The following CEP120 variants were observed in gnomAD, a reference collection of about 807,000 sequenced individuals.
CEP120 encodes centrosomal protein of 120 kDa.
In CEP120, 113 loss-of-function variants were observed where a neutral mutation model predicts 126.5. The ratio of observed to expected loss-of-function variants is 0.89; its 90% CI spans 0.77 to 1.04. The LOEUF (loss-of-function observed/expected upper bound fraction) is 1.04, where lower values mean the gene tolerates loss of function less well. Among genes scored for constraint, CEP120 ranks in the 50% least tolerant of loss-of-function variants. CEP120 has a pLI of 0.00. For missense variants in CEP120, 1,230 were observed against 1,155.7 expected (o/e 1.06, Z -0.93); for synonymous variants, 400 against 394.3 (o/e 1.01, Z -0.17).
intron 14 of CEP120, among the ~76,000 whole-genome samples, chr5:123,381,357 A>C (rs927134801): frequency 6.8e-6 from 1 of 146,444 alleles, no homozygotes; most frequent in Non-Finnish European, 1.5e-5. Context: ...AGTTGATGAG[A>C]GGAGGGGGTT....
chr5:123,417,694 TCTA>T (rs1474994935), intron 2 of CEP120, among the ~76,000 whole-genome samples: 1 of 151,612 alleles, frequency 6.6e-6, no homozygotes, highest in African/African-American at 2.4e-5. Context: ...TTCTAGAATA[TCTA>T]CTGTCTCACA....
At chr5:123,398,990 G>T in intron 5 of CEP120, 146 bp downstream of exon 5, 2 of 531,454 alleles carry the variant, frequency 3.8e-6, no homozygotes, top group South Asian at 4.0e-5. Context: ...TTTCTTTCCA[G>T]TATGAAAGAA....
At chr5:123,379,629 G>T (rs1771502988) in intron 14 of CEP120, among the ~76,000 whole-genome samples, 1 of 151,850 alleles carries the variant, frequency 6.6e-6, no homozygotes, top group African/African-American at 2.4e-5. Context: ...TCTCAGGAAG[G>T]CCTGGCTAAG....
chr5:123,351,258 T>C (rs1010907941), intron 18 of CEP120, among the ~76,000 whole-genome samples: 10 of 152,150 alleles, frequency 6.6e-5, no homozygotes, highest in Non-Finnish European at 7.4e-5. Flanking sequence ...CAAAAATAAG[T>C]TTTGAACTTA....
intron 16 of CEP120, among the ~76,000 whole-genome samples, chr5:123,376,825 G>A (rs17150389): frequency 6.6e-6 from 1 of 151,882 alleles, no homozygotes; most frequent in Non-Finnish European, 1.5e-5. Context: ...GAATAAGATT[G>A]TTTTTGCAGA....
Position 123,370,471 on chromosome 5 carries a change from C to T in CEP120, c.2481+2179G>A, listed in dbSNP as rs115209526. On this transcript the variant is annotated intron_variant, in intron 17 of 19. Transcript: ENST00000306467. The stretch of plus-strand genomic sequence containing the variant: ...GGAAGTCTATCACTCCCTAATGCTA[C>T]TTTGTTTTTGTTTTTGTTTTTTTGA... Among the ~76,000 whole-genome samples, 1,358 of 151,456 alleles carry T rather than the reference C, an allele frequency of 9.0e-3. 24 individuals are homozygous for T. The highest frequency in any genetic ancestry group is 0.031 in the African/African-American group (1,302 of 41,360).
rs146155682 is a variant in CEP120, at chr5:123,355,574, T to C, written c.2581-5485A>G. On this transcript the variant is annotated intron_variant, in intron 18 of 19. Transcript: ENST00000306467. ...TTTTTTCATGTGTTTTTTGACTGCA[T>C]AAATGTCTTCTTTTGGGAAGTGTCT... is the stretch of plus-strand genomic sequence containing the variant. 1.5e-3 allele frequency among the ~76,000 whole-genome samples: 223 copies of C among 152,364 alleles called. 1 individual carries two copies. The highest frequency in any genetic ancestry group is 5.2e-3 in the African/African-American group (218 of 41,588).
chr5:123,386,090 A>G (rs1772002227), intron 10 of CEP120, among the ~76,000 whole-genome samples: 1 of 152,184 alleles, frequency 6.6e-6, no homozygotes, highest in South Asian at 2.1e-4. Flanking sequence ...TCCATTTCAG[A>G]TAGTCAGATT....
intron 17 of CEP120, among the ~76,000 whole-genome samples, chr5:123,365,666 G>A (rs1435735524): frequency 6.6e-6 from 1 of 151,580 alleles, no homozygotes; most frequent in Non-Finnish European, 1.5e-5. Flanking sequence ...AGCATCTTAA[G>A]TTGAATAATA....
chr5:123,357,977 G>A (rs1477610791), intron 18 of CEP120, among the ~76,000 whole-genome samples: 1 of 152,058 alleles, frequency 6.6e-6, no homozygotes, highest in African/African-American at 2.4e-5. Flanking sequence ...GTAATATTTA[G>A]TGAAGCTGAA....
intron 11 of CEP120, among the ~76,000 whole-genome samples, chr5:123,383,337 A>G (rs1049635106): frequency 6.6e-6 from 1 of 152,102 alleles, no homozygotes; most frequent in Non-Finnish European, 1.5e-5. Flanking sequence ...TAAAAGGTAT[A>G]AAGGTGAAAT....
In CEP120 at chr5:123,349,976, T is replaced by C; in HGVS notation, c.2694A>G (p.Gln898=). Residue 898 remains glutamine (Q), a synonymous_variant, in exon 19 of 20, where the codon CAA becomes CAG. Transcript: ENST00000306467. ...ATTCATTTCTTATATCCAACAATTC[T>C]TGTCGCTCGGTTTTTACTGTATCTT... ...EEKDTVKTER[Q]ELLDIRNELN... 6.2e-7 allele frequency: 1 copy of C among 1,613,834 alleles called. No individual in the cohort carries two copies. Among genetic ancestry groups the C allele is most frequent in the Non-Finnish European group, 8.5e-7 (1 of 1,179,906 alleles).
In CEP120 at chr5:123,390,075, G is replaced by A; in HGVS notation, c.1104C>T (p.Thr368=). 6.2e-7 allele frequency: 1 copy of A among 1,613,950 alleles called. No individual in the cohort carries two copies. The highest frequency in any genetic ancestry group is 1.1e-5 in the South Asian group (1 of 91,068). Residue 368 remains threonine, a synonymous_variant, in exon 8 of 20, where the codon ACC becomes ACT. Transcript: ENST00000306467. ...CAGTAAGTGTCTTCTCCTTTATGGGGGTTAAAACTTTCTTCTTTGAATGCT... is the reference window on the plus strand; with the variant it reads ...CAGTAAGTGTCTTCTCCTTTATGGGAGTTAAAACTTTCTTCTTTGAATGCT... ...EPEHSKKKVL[T]PIKEKTLTGP... is the part of the protein sequence containing the mutation.
At chr5:123,354,664 C>T (rs556646829) in intron 18 of CEP120, among the ~76,000 whole-genome samples, 1 of 152,036 alleles carries the variant, frequency 6.6e-6, no homozygotes, top group African/African-American at 2.4e-5. Flanking sequence ...TAAAATGCCT[C>T]TCGCCCTATA....
chr5:123,386,682 A>T lies in CEP120; in HGVS notation c.1431-15T>A, dbSNP rs1223316974. On this transcript the variant is annotated splice_polypyrimidine_tract_variant and intron_variant, in intron 9 of 19. Coordinates refer to ENST00000306467, the MANE Select transcript of CEP120 (RefSeq NM_001375405.1). ...GATATGAGTACCTAGAATTTAAAAA[A>T]AAAAAAAAAAAAAAAAGCCTTAATG... The T allele has an allele frequency of 2.8e-6, 4 of 1,415,100 alleles. No individual in the cohort carries two copies. In the African/African-American group the frequency reaches 6.0e-5, roughly 21 times the overall value. 87.7% of individuals were successfully genotyped at this position (1,415,100 alleles called of 1,614,324 possible). A position where few individuals can be genotyped will look rare whatever the true frequency, so the allele number is the denominator to read the frequency against.
chr5:123,405,398 AAAG>A (rs982984463), intron 4 of CEP120, among the ~76,000 whole-genome samples: 4 of 152,234 alleles, frequency 2.6e-5, no homozygotes, highest in African/African-American at 9.7e-5. Context: ...AGGGAAGAGA[AAAG>A]AAACCATTCT....
At chr5:123,358,893 A>G (rs1769857426) in intron 18 of CEP120, among the ~76,000 whole-genome samples, 1 of 152,082 alleles carries the variant, frequency 6.6e-6, no homozygotes, top group South Asian at 2.1e-4. Flanking sequence ...TCCCACTCAC[A>G]CATACCATGT....
chr5:123,405,819 GA>G (rs55739138), intron 4 of CEP120, among the ~76,000 whole-genome samples: 159 of 147,030 alleles, frequency 1.1e-3, no homozygotes, highest in Middle Eastern at 0.01. Context: ...ATACTAAAAG[GA>G]AAAAAAAAAT....
chr5:123,401,056 G>A, intron 4 of CEP120: 5 of 1,558,976 alleles, frequency 3.2e-6, no homozygotes, highest in Non-Finnish European at 4.4e-6. Flanking sequence ...GGGCTTGTGA[G>A]GCCCCCACAG....
Sources: gnomAD v4.1 joint callset for allele counts (sites outside exome capture counted in the v4.1 genomes callset) on GRCh38, gnomAD v4.1.1 for gene constraint, MANE v1.5 for transcripts, NCBI Gene and HGNC (gene_info 2026-07-23, HGNC 2026-07-21) for gene names.